ZNF512: variants seen among roughly 807,000 people sequenced by gnomAD.
ZNF512 encodes zinc finger protein 512.
Under a neutral mutation model 77.5 loss-of-function variants are expected in ZNF512, and 25 were observed. The observed-to-expected ratio is 0.32, with a 90% CI of 0.23 to 0.45. The LOEUF is 0.45. ZNF512 is among the 20% of genes least tolerant of loss of function. ZNF512 has a pLI of 1.00. For missense variants in ZNF512, 483 were observed against 692.6 expected (o/e 0.70, Z 3.40); for synonymous variants, 246 against 239.9 (o/e 1.03, Z -0.24).
rs547882068 is a variant in ZNF512, at chr2:27,585,496, T to C, written c.89+1780T>C. On this transcript the variant is annotated intron_variant, in intron 2 of 13. Coordinates refer to ENST00000355467, the MANE Select transcript of ZNF512 (RefSeq NM_032434.4). The stretch of plus-strand genomic sequence containing the variant: ...GTTTAGGGCATAGAAATCTTTACTT[T>C]TAACTAGCTTCCTAGGAGATTGTGA... Among the ~76,000 whole-genome samples, 200 of 152,320 alleles carry C rather than the reference T, an allele frequency of 1.3e-3. 2 individuals carry two copies. The highest frequency in any genetic ancestry group is 4.5e-3 in the African/African-American group (186 of 41,570).
intron 8 of ZNF512, 104 bp downstream of exon 8, chr2:27,602,665 T>C: frequency 3.3e-6 from 3 of 921,158 alleles, no homozygotes; most frequent in Non-Finnish European, 4.8e-6. Context: ...TTCCTAGTTC[T>C]GTACTATCTT....
intron 9 of ZNF512, 48 bp from the exon 10 acceptor site, chr2:27,607,797 T>C (rs1400291352): frequency 1.3e-6 from 2 of 1,589,616 alleles, no homozygotes; most frequent in African/African-American, 2.7e-5. Context: ...CTGGCTGTGA[T>C]GGATGCCACT....
intron 2 of ZNF512, among the ~76,000 whole-genome samples, chr2:27,586,846 T>C (rs996932568): frequency 3.3e-5 from 5 of 152,244 alleles, no homozygotes; most frequent in Non-Finnish European, 7.3e-5. Flanking sequence ...AGTCACACAG[T>C]ATGTTCTCAT....
At chr2:27,602,080 G>A (rs573562680) in intron 7 of ZNF512, among the ~76,000 whole-genome samples, 36 of 152,324 alleles carry the variant, frequency 2.4e-4, no homozygotes, top group African/African-American at 6.0e-4. Context: ...CACTGCGCCC[G>A]GCCTGGATGT....
intron 11 of ZNF512, 50 bp downstream of exon 11, chr2:27,615,319 T>C: frequency 8.1e-7 from 1 of 1,228,278 alleles, no homozygotes; most frequent in Non-Finnish European, 1.1e-6. Flanking sequence ...AAGCATCTGC[T>C]CTTGCTTCTG....
chr2:27,588,226 G>A (rs1254824449), intron 2 of ZNF512, among the ~76,000 whole-genome samples: 2 of 151,674 alleles, frequency 1.3e-5, no homozygotes, highest in Non-Finnish European at 2.9e-5. Context: ...ATGCTTTTAT[G>A]TATCCTATTT....
At chr2:27,591,300 G>A (rs1317184198) in intron 2 of ZNF512, among the ~76,000 whole-genome samples, 1 of 152,178 alleles carries the variant, frequency 6.6e-6, no homozygotes, top group African/African-American at 2.4e-5. Flanking sequence ...CATACAATGT[G>A]AAATCACATC....
intron 9 of ZNF512, among the ~76,000 whole-genome samples, chr2:27,607,304 A>G (rs1672411659): frequency 6.6e-6 from 1 of 151,124 alleles, no homozygotes. Context: ...ATTTTTATAT[A>G]TAGTGTGAGG....
chr2:27,593,890 T>G (rs1261102497), intron 2 of ZNF512, among the ~76,000 whole-genome samples: 2 of 152,070 alleles, frequency 1.3e-5, no homozygotes, highest in Admixed American at 6.5e-5. Flanking sequence ...AGAAGAATTT[T>G]TCTTAGTACA....
intron 11 of ZNF512, among the ~76,000 whole-genome samples, chr2:27,615,937 G>C (rs944307134): frequency 1.3e-5 from 2 of 152,046 alleles, no homozygotes; most frequent in African/African-American, 2.4e-5. Context: ...AAAGAAGTGG[G>C]AACACATTTG....
chr2:27,603,437 G>T (rs1672213101), intron 9 of ZNF512, 130 bp downstream of exon 9: 1 of 947,106 alleles, frequency 1.1e-6, no homozygotes, highest in South Asian at 2.3e-5. Flanking sequence ...CTTGTGTGTT[G>T]TCTCTTCTTT....
chr2:27,600,154 G>T, intron 5 of ZNF512, 101 bp downstream of exon 5: 1 of 1,336,436 alleles, frequency 7.5e-7, no homozygotes, highest in Non-Finnish European at 1.1e-6. Context: ...ATTTCTTTAA[G>T]GAGGCAGTTA....
At chr2:27,620,944 A>G (rs1280224999) in intron 13 of ZNF512, among the ~76,000 whole-genome samples, 2 of 152,190 alleles carry the variant, frequency 1.3e-5, no homozygotes, top group Non-Finnish European at 2.9e-5. Flanking sequence ...AGTCCCTAGA[A>G]TTACGCCTTA....
At chr2:27,612,294 T>C (rs1044759988) in intron 10 of ZNF512, among the ~76,000 whole-genome samples, 3 of 152,244 alleles carry the variant, frequency 2.0e-5, no homozygotes, top group Non-Finnish European at 2.9e-5. Context: ...AGACAGGCCG[T>C]AGGCTTATCT....
chr2:27,622,531 G>A lies in ZNF512; in HGVS notation c.*1070G>A, dbSNP rs1349820793. Reference sequence around the variant, plus strand: ...TTTATATCCTGAGACTTTGACACCAGATGTAGATATTTATCTGGAGCTGGA... The same window carrying A: ...TTTATATCCTGAGACTTTGACACCAAATGTAGATATTTATCTGGAGCTGGA... On this transcript the variant is annotated 3_prime_UTR_variant, in exon 14 of 14. Coordinates refer to ENST00000355467, the MANE Select transcript of ZNF512 (RefSeq NM_032434.4). 6.5e-6 allele frequency: 1 copy of A among 152,726 alleles called. No homozygotes were observed. Among genetic ancestry groups the A allele is most frequent in the Non-Finnish European group, 1.5e-5 (1 of 68,026 alleles). The allele number at this position is 152,726 out of a possible 1,614,324, so 9.5% of individuals were successfully genotyped here.
intron 9 of ZNF512, 134 bp downstream of exon 9, chr2:27,603,441 C>G: frequency 1.1e-6 from 1 of 904,558 alleles, no homozygotes; most frequent in Non-Finnish European, 1.6e-6. Context: ...TGTGTTGTCT[C>G]TTCTTTATTC....
At chr2:27,599,519 C>A in intron 3 of ZNF512, 64 bp from the exon 4 acceptor site, 1 of 1,182,740 alleles carries the variant, frequency 8.5e-7, no homozygotes, top group Non-Finnish European at 1.3e-6. Context: ...GTTTTGAAGA[C>A]AGGCCTAGAT....
In ZNF512 at chr2:27,598,258, T is replaced by G; in HGVS notation, c.277+4T>G. ...GCTGCTACTTCTCATGTCGAAGGTATCAATATCAGTGTCTTATTCTGAAGA... is the reference window on the plus strand; with the variant it reads ...GCTGCTACTTCTCATGTCGAAGGTAGCAATATCAGTGTCTTATTCTGAAGA... On this transcript the variant is annotated splice_donor_region_variant and intron_variant, in intron 3 of 13. Coordinates refer to ENST00000355467, the MANE Select transcript of ZNF512 (RefSeq NM_032434.4). 6.2e-7 allele frequency: 1 copy of G among 1,610,084 alleles called. No homozygotes were observed. Among genetic ancestry groups the G allele is most frequent in the Non-Finnish European group, 8.5e-7 (1 of 1,178,178 alleles).
chr2:27,586,061 C>T, intron 2 of ZNF512, among the ~76,000 whole-genome samples: 1 of 152,074 alleles, frequency 6.6e-6, no homozygotes. Flanking sequence ...TGAACTGTTG[C>T]CTTTTCAGTA....
Sources: gnomAD v4.1 joint callset for allele counts (sites outside exome capture counted in the v4.1 genomes callset) on GRCh38, gnomAD v4.1.1 for gene constraint, MANE v1.5 for transcripts, NCBI Gene and HGNC (gene_info 2026-07-23, HGNC 2026-07-21) for gene names.